CNTN1: variants seen among roughly 807,000 people sequenced by gnomAD.
CNTN1 encodes contactin 1, also known as contactin-1.
Under a neutral mutation model 126.4 loss-of-function variants are expected in CNTN1, and 38 were observed. The observed-to-expected ratio is 0.30, with a 90% CI of 0.23 to 0.39. The LOEUF is 0.39. Ranked by LOEUF, CNTN1 falls within the 10% of genes least tolerant of loss-of-function variation. The probability of loss-of-function intolerance (pLI) is 1.00; values close to 1 mark genes in which losing one functional copy is unlikely to be tolerated. For synonymous variants in CNTN1, 413 were observed against 422.6 expected (o/e 0.98, Z 0.28); for missense variants, 1,009 against 1,248.4 (o/e 0.81, Z 2.89).
At chr12:40,777,740 T>C (rs1002067443) in intron 1 of CNTN1, among the ~76,000 whole-genome samples, 2 of 151,816 alleles carry the variant, frequency 1.3e-5, no homozygotes, top group Admixed American at 6.6e-5. Flanking sequence ...CTCTGCGTAA[T>C]GCTGTGCTTT....
intron 1 of CNTN1, among the ~76,000 whole-genome samples, chr12:40,719,988 C>T (rs1942152429): frequency 6.6e-6 from 1 of 151,272 alleles, no homozygotes. Flanking sequence ...CAGGCGCATG[C>T]ACCACGCCCG....
intron 4 of CNTN1, among the ~76,000 whole-genome samples, chr12:40,920,098 C>A (rs1168555508): frequency 6.6e-6 from 1 of 152,064 alleles, no homozygotes; most frequent in African/African-American, 2.4e-5. Context: ...GCAATTTTTT[C>A]ATTATTTATC....
intron 1 of CNTN1, among the ~76,000 whole-genome samples, chr12:40,731,182 C>T (rs1347471336): frequency 2.0e-5 from 3 of 151,866 alleles, no homozygotes; most frequent in African/African-American, 7.2e-5. Flanking sequence ...ATAGACCAAT[C>T]CTTGGCAAGA....
intron 1 of CNTN1, among the ~76,000 whole-genome samples, chr12:40,893,184 A>G (rs540561373): frequency 2.0e-5 from 3 of 152,202 alleles, no homozygotes; most frequent in African/African-American, 7.2e-5. Context: ...GTAGATAATT[A>G]TATCACTCTG....
At chr12:40,934,708 C>T (rs532003395) in intron 9 of CNTN1, among the ~76,000 whole-genome samples, 29 of 152,086 alleles carry the variant, frequency 1.9e-4, no homozygotes, top group South Asian at 4.1e-4. Flanking sequence ...GACAGATTCA[C>T]GCATTCTCTC....
At chr12:41,031,948 T>C (rs1949153394) in intron 23 of CNTN1, among the ~76,000 whole-genome samples, 1 of 152,180 alleles carries the variant, frequency 6.6e-6, no homozygotes, top group Non-Finnish European at 1.5e-5. Flanking sequence ...CTCTTAGTAC[T>C]TTCTTTTGGT....
chr12:40,995,125 A>G (rs1948181517), intron 17 of CNTN1, among the ~76,000 whole-genome samples: 1 of 152,148 alleles, frequency 6.6e-6, no homozygotes, highest in East Asian at 1.9e-4. Flanking sequence ...CCTTAATTTC[A>G]GAATTATCCT....
chr12:40,980,923 C>G lies in CNTN1; in HGVS notation c.1819C>G (p.Pro607Ala), dbSNP rs1175363077. The G allele has an allele frequency of 6.2e-7, 1 of 1,613,954 alleles. No homozygotes were observed. Among genetic ancestry groups the G allele is most frequent in the Non-Finnish European group, 8.5e-7 (1 of 1,179,904 alleles). The change falls in exon 16 of 24, where the codon CCA becomes GCA. Residue 607 changes from proline to alanine, a missense_variant. Transcript: ENST00000551295. The part of the protein sequence containing the change: ...DLVVRGPPGP[P>A]GGLRIEDIRA... ...TTTCATTTCAGGCCCTCCAGGCCCTCCAGGTGGTCTGAGAATAGAAGACAT... is the reference window on the plus strand; with the variant it reads ...TTTCATTTCAGGCCCTCCAGGCCCTGCAGGTGGTCTGAGAATAGAAGACAT...
At chr12:40,953,074 C>T (rs1265279792) in intron 14 of CNTN1, among the ~76,000 whole-genome samples, 2 of 152,098 alleles carry the variant, frequency 1.3e-5, no homozygotes, top group Non-Finnish European at 1.5e-5. Context: ...AGCGTCATCA[C>T]TGAGACTCAT....
At chr12:41,067,473 C>CA (rs1052543082) in intron 23 of CNTN1, among the ~76,000 whole-genome samples, 3 of 151,914 alleles carry the variant, frequency 2.0e-5, no homozygotes, top group Admixed American at 1.3e-4. Flanking sequence ...CATCCTCAGA[C>CA]AAAAAAGGCT....
intron 1 of CNTN1, among the ~76,000 whole-genome samples, chr12:40,801,572 AC>A (rs893093503): frequency 6.6e-6 from 1 of 151,860 alleles, no homozygotes; most frequent in Non-Finnish European, 1.5e-5. Context: ...AGCCAAGTAA[AC>A]ATTTGGAGAA....
At position 40,910,055 on chromosome 12, in the gene CNTN1, T is replaced by C. The variant is rs756123801; in HGVS notation, c.62-18T>C. On this transcript the variant is annotated intron_variant, in intron 2 of 23. Coordinates refer to ENST00000551295, the MANE Select transcript of CNTN1 (RefSeq NM_001843.4). The stretch of plus-strand genomic sequence containing the variant: ...ATAATTGCTTCAGGATCAAAATTGT[T>C]TTTTCTTTCATTTTTAGAGTTTACA... 1.9e-6 allele frequency: 3 copies of C among 1,593,968 alleles called. No individual in the cohort carries two copies. The Admixed American group carries it at 5.0e-5, about 27-fold the overall frequency.
At chr12:40,997,436 A>G (rs554602644) in intron 17 of CNTN1, among the ~76,000 whole-genome samples, 68 of 152,036 alleles carry the variant, frequency 4.5e-4, no homozygotes, top group Admixed American at 3.7e-3. Context: ...TCTTTCATTT[A>G]GTATTCTTTC....
At chr12:40,784,930 A>G (rs889320158) in intron 1 of CNTN1, among the ~76,000 whole-genome samples, 2 of 152,112 alleles carry the variant, frequency 1.3e-5, no homozygotes, top group African/African-American at 4.8e-5. Context: ...GTGGTTACAG[A>G]TTCATAGTCA....
intron 1 of CNTN1, among the ~76,000 whole-genome samples, chr12:40,721,793 C>T (rs1217126750): frequency 1.4e-5 from 2 of 147,858 alleles, no homozygotes; most frequent in East Asian, 4.1e-4. Context: ...TGAGTGAGAA[C>T]ATGCAGTGTT....
At position 40,830,004 on chromosome 12, in the gene CNTN1, C is replaced by T. The variant is rs1388191985; in HGVS notation, c.-76-78353C>T. 2.0e-5 allele frequency among the ~76,000 whole-genome samples: 3 copies of T among 152,054 alleles called. No homozygotes were observed. In the East Asian group the frequency reaches 5.8e-4, roughly 29 times the overall value. Reference sequence around the variant, plus strand: ...TTGACAGTAGGAGAATAAAAGCTCCCGTGCTGGGTGACAAGATCATAGCAG... The same window carrying T: ...TTGACAGTAGGAGAATAAAAGCTCCTGTGCTGGGTGACAAGATCATAGCAG... On this transcript the variant is annotated intron_variant, in intron 1 of 23. Coordinates refer to ENST00000551295, the MANE Select transcript of CNTN1 (RefSeq NM_001843.4).
At chr12:40,796,941 A>G (rs1940460410) in intron 1 of CNTN1, among the ~76,000 whole-genome samples, 1 of 152,112 alleles carries the variant, frequency 6.6e-6, no homozygotes, top group South Asian at 2.1e-4. Context: ...GTAAGAATTC[A>G]GAGCCACAGG....
At chr12:40,884,025 A>G (rs1372845422) in intron 1 of CNTN1, among the ~76,000 whole-genome samples, 1 of 151,600 alleles carries the variant, frequency 6.6e-6, no homozygotes. Flanking sequence ...ATGCCACCTA[A>G]GAGAAATAAT....
chr12:40,986,435 C>T (rs1225881398), intron 16 of CNTN1, among the ~76,000 whole-genome samples: 1 of 152,172 alleles, frequency 6.6e-6, no homozygotes, highest in African/African-American at 2.4e-5. Context: ...CAGTTTAGCA[C>T]AGGCTTCAAG....
Sources: gnomAD v4.1 joint callset for allele counts (sites outside exome capture counted in the v4.1 genomes callset) on GRCh38, gnomAD v4.1.1 for gene constraint, MANE v1.5 for transcripts, NCBI Gene and HGNC (gene_info 2026-07-23, HGNC 2026-07-21) for gene names.